Variants in DNAJB6 observed in about 807,000 individuals in gnomAD.
DNAJB6 encodes dnaJ homolog subfamily B member 6.
Under a neutral mutation model 42.7 loss-of-function variants are expected in DNAJB6, and 16 were observed. The ratio of observed to expected loss-of-function variants is 0.37; its 90% CI spans 0.25 to 0.57. The LOEUF is 0.57. Among genes scored for constraint, DNAJB6 ranks in the 20% least tolerant of loss-of-function variants. The pLI, the probability that DNAJB6 is intolerant of heterozygous loss-of-function variation, is 0.74. For missense variants in DNAJB6, 347 were observed against 416.8 expected, an observed-to-expected ratio of 0.83 and a Z score of 1.46; for synonymous variants, 170 against 163.5, an observed-to-expected ratio of 1.04 and a Z score of -0.30.
At chr7:157,397,303 C>G (rs1382982474) in intron 8 of DNAJB6, among the ~76,000 whole-genome samples, 1 of 152,184 alleles carries the variant, frequency 6.6e-6, no homozygotes, top group African/African-American at 2.4e-5. Flanking sequence ...TGCACCAGCA[C>G]CTAGGAGACA....
intron 1 of DNAJB6, among the ~76,000 whole-genome samples, chr7:157,341,756 C>T (rs915968311): frequency 2.6e-5 from 4 of 152,152 alleles, no homozygotes; most frequent in Admixed American, 6.5e-5. Context: ...GAATTAGATT[C>T]TTTCTAGTTT....
chr7:157,382,326 GC>G lies in DNAJB6; in HGVS notation c.428del (p.Ala143GlyfsTer25). On this transcript the variant is annotated frameshift_variant, in exon 6 of 10. Transcript: ENST00000262177. LOFTEE classifies it high-confidence loss of function. Reference protein sequence around the residue: ...RSRGTGSFFSAFSGFPSFGSG... With the variant: ...RSRGTGSFFSXFSGFPSFGSG... ...CCGAGGGACGGGGTCGTTTTTCTCT[GC>G]GTTCAGTGGATTTCCGTCTTTTGGA... 1 of 1,604,274 alleles carries G rather than the reference GC, an allele frequency of 6.2e-7. No homozygotes were observed. Among genetic ancestry groups the G allele is most frequent in the Non-Finnish European group, 8.5e-7 (1 of 1,175,264 alleles).
intron 4 of DNAJB6, 123 bp downstream of exon 4, chr7:157,366,684 C>T (rs1029716644): frequency 1.2e-5 from 10 of 851,268 alleles, no homozygotes; most frequent in East Asian, 7.8e-5. Context: ...ACGTAGAAAG[C>T]GAACTAAATT....
intron 9 of DNAJB6, 119 bp downstream of exon 9, chr7:157,410,120 C>A: frequency 7.1e-7 from 1 of 1,414,806 alleles, no homozygotes. Context: ...CGGGCGTGGG[C>A]GGTCGGGCGG....
In DNAJB6 at chr7:157,358,572, C is replaced by T. The variant is rs1168465209; in HGVS notation, c.-1C>T. The T allele has an allele frequency of 1.2e-6, 2 of 1,613,196 alleles. No individual in the cohort carries two copies. Among genetic ancestry groups the T allele is most frequent in the Non-Finnish European group, 1.7e-6 (2 of 1,179,366 alleles). ...GACCCATTCCAACAATCTCGTAAAACATGGTGGATTACTATGAAGTTCTAG... is the reference window on the plus strand; with the variant it reads ...GACCCATTCCAACAATCTCGTAAAATATGGTGGATTACTATGAAGTTCTAG... On this transcript the variant is annotated 5_prime_UTR_variant, in exon 2 of 10. Transcript: ENST00000262177.
At chr7:157,342,669 C>T (rs1798463830) in intron 1 of DNAJB6, among the ~76,000 whole-genome samples, 1 of 152,124 alleles carries the variant, frequency 6.6e-6, no homozygotes, top group South Asian at 2.1e-4. Flanking sequence ...GTTGGCCAGG[C>T]TGGTCTTGAA....
rs117126815 is a variant in DNAJB6, at chr7:157,350,651, A to G, written c.-26-7896A>G. Among the ~76,000 whole-genome samples, 369 of 151,962 alleles carry G rather than the reference A, an allele frequency of 2.4e-3. 10 individuals are homozygous for G. In the East Asian group the frequency reaches 0.055, roughly 23 times the overall value. On this transcript the variant is annotated intron_variant, in intron 1 of 9. Transcript: ENST00000262177. Reference sequence around the variant, plus strand: ...TAAGAATTTGAGGAAGACGCCCAATATGGCACTTTTCTCGAAGTACTTGGA... The same window carrying G: ...TAAGAATTTGAGGAAGACGCCCAATGTGGCACTTTTCTCGAAGTACTTGGA...
chr7:157,397,773 C>T (rs1801663730), intron 8 of DNAJB6, among the ~76,000 whole-genome samples: 1 of 152,266 alleles, frequency 6.6e-6, no homozygotes, highest in African/African-American at 2.4e-5. Context: ...CCCTCTCGAC[C>T]TCTGCCCTTC....
chr7:157,406,639 G>A lies in DNAJB6; in HGVS notation c.692-3156G>A, dbSNP rs550813446. Among the ~76,000 whole-genome samples the A allele has an allele frequency of 4.6e-5, 7 of 152,290 alleles. No homozygotes were observed. The East Asian group carries it at 1.4e-3, about 29-fold the overall frequency. Reference sequence around the variant, plus strand: ...AGGCTGCCCTGTGGATGTGGCCGTGGAGCCTGCACCTTTCTCCCCCAGTCA... The same window carrying A: ...AGGCTGCCCTGTGGATGTGGCCGTGAAGCCTGCACCTTTCTCCCCCAGTCA... On this transcript the variant is annotated intron_variant, in intron 8 of 9. Coordinates refer to ENST00000262177, the MANE Select transcript of DNAJB6 (RefSeq NM_058246.4).
At position 157,384,604 on chromosome 7, in the gene DNAJB6, C is replaced by T. The variant is rs1490238217; in HGVS notation, c.479-263C>T. Among the ~76,000 whole-genome samples, 7 of 152,290 alleles carry T rather than the reference C, an allele frequency of 4.6e-5. No homozygotes were observed. The East Asian group carries it at 7.7e-4, about 17-fold the overall frequency. On this transcript the variant is annotated intron_variant, in intron 6 of 9. Coordinates refer to ENST00000262177, the MANE Select transcript of DNAJB6 (RefSeq NM_058246.4). The stretch of plus-strand genomic sequence containing the variant: ...CATGTCAGAAAAGCTGCTTGGGTCC[C>T]GCGAAGCTCTGCATGAGGAGAGGGG...
intron 6 of DNAJB6, chr7:157,382,585 T>A (rs1415310781): frequency 2.6e-6 from 1 of 383,302 alleles, no homozygotes; most frequent in South Asian, 5.7e-5. Context: ...CTTGGAAATC[T>A]TCTCCTCTTA....
chr7:157,384,644 C>T (rs992707589), intron 6 of DNAJB6, among the ~76,000 whole-genome samples: 14 of 152,204 alleles, frequency 9.2e-5, no homozygotes, highest in African/African-American at 3.4e-4. Context: ...GGAGAGGCTG[C>T]ACTCTCGCGT....
At chr7:157,362,750 C>T (rs1799666041) in intron 2 of DNAJB6, among the ~76,000 whole-genome samples, 1 of 152,178 alleles carries the variant, frequency 6.6e-6, no homozygotes, top group Admixed American at 6.5e-5. Flanking sequence ...TTTTCTATCT[C>T]TAGAGGTTCG....
intron 1 of DNAJB6, among the ~76,000 whole-genome samples, chr7:157,341,232 C>G (rs1013189490): frequency 6.6e-6 from 1 of 152,144 alleles, no homozygotes; most frequent in Non-Finnish European, 1.5e-5. Flanking sequence ...TCAAGCGATT[C>G]TCCTGCCTCA....
chr7:157,413,718 CTTTTTTTTTTTTT>C (rs549829121), intron 9 of DNAJB6: 2 of 94,020 alleles, frequency 2.1e-5, no homozygotes, highest in Admixed American at 1.2e-4. Context: ...CAATTTTGGA[CTTTTTTTTTTTTT>C]TTTTTTTTTT....
At chr7:157,407,386 C>A (rs1489746043) in intron 8 of DNAJB6, among the ~76,000 whole-genome samples, 1 of 152,234 alleles carries the variant, frequency 6.6e-6, no homozygotes, top group Non-Finnish European at 1.5e-5. Context: ...TATTTAGGGT[C>A]CAGTTCAGTG....
chr7:157,381,535 C>CA (rs1411811425), intron 5 of DNAJB6: 1 of 152,148 alleles, frequency 6.6e-6, no homozygotes, highest in Non-Finnish European at 1.5e-5. Context: ...TTTGTGTTTC[C>CA]ACTTGGCAGC....
intron 1 of DNAJB6, among the ~76,000 whole-genome samples, chr7:157,350,851 C>G (rs1427871234): frequency 6.6e-6 from 1 of 151,500 alleles, no homozygotes; most frequent in East Asian, 1.9e-4. Flanking sequence ...AGCCACCAGA[C>G]CTGGCCAGAG....
At chr7:157,369,125 G>C (rs1407114780) in intron 5 of DNAJB6, 2 of 370,550 alleles carry the variant, frequency 5.4e-6, no homozygotes, top group Non-Finnish European at 1.1e-5. Flanking sequence ...GGCGATTTCC[G>C]ATTAGGGGAC....
Sources: gnomAD v4.1 joint callset for allele counts (sites outside exome capture counted in the v4.1 genomes callset) on GRCh38, gnomAD v4.1.1 for gene constraint, MANE v1.5 for transcripts, NCBI Gene and HGNC (gene_info 2026-07-23, HGNC 2026-07-21) for gene names.